Variants in ZNF185 observed in about 807,000 individuals in gnomAD.
ZNF185 encodes zinc finger protein 185 with LIM domain.
Under a neutral mutation model 58.6 loss-of-function variants are expected in ZNF185, and 56 were observed. That is an observed-to-expected ratio of 0.95 (90% CI 0.77 to 1.19). The LOEUF (loss-of-function observed/expected upper bound fraction) is 1.19. Ranked by LOEUF, ZNF185 falls within the 50% of genes most tolerant of loss-of-function variation. The pLI is 0.00. For synonymous variants in ZNF185, 230 were observed against 215.9 expected, an observed-to-expected ratio of 1.07 and a Z score of -0.57; for missense variants, 627 against 573.5, an observed-to-expected ratio of 1.09 and a Z score of -0.95.
rs782097537 is a variant in ZNF185, at chrX:152,915,694, C to A, written c.224+491C>A. On this transcript the variant is annotated intron_variant, in intron 3 of 22. Coordinates refer to ENST00000449285, the Ensembl canonical transcript of ZNF185. ...TGCTCTGACTGTCTCCCAAGTTTAC[C>A]GTGACATATTTTGTCAGCTGACCAA... Among the ~76,000 whole-genome samples the A allele has an allele frequency of 1.4e-4, 16 of 112,380 alleles. No homozygotes were observed. The South Asian group carries it at 5.2e-3, about 36-fold the overall frequency.
At chrX:152,935,448 G>C (rs1287227744) in intron 14 of ZNF185, among the ~76,000 whole-genome samples, 1 of 109,088 alleles carries the variant, frequency 9.2e-6, no homozygotes, top group Admixed American at 9.8e-5. Flanking sequence ...GTGTTAGCCA[G>C]GATGGTCTCG....
chrX:152,944,075 G>A (rs1191548153), intron 15 of ZNF185, among the ~76,000 whole-genome samples: 4 of 113,087 alleles, frequency 3.5e-5, no homozygotes, highest in East Asian at 2.8e-4. Flanking sequence ...ACTGTGTGGC[G>A]TCACACTCAC....
chrX:152,969,197 G>A (rs1474255025), intron 20 of ZNF185, among the ~76,000 whole-genome samples, 185 bp from the exon 23 acceptor site: 2 of 112,056 alleles, frequency 1.8e-5, no homozygotes, highest in South Asian at 3.7e-4. Context: ...ATAATGCAGA[G>A]GTCTACAGCA....
chrX:152,934,550 T>C (rs1244091821), intron 14 of ZNF185, among the ~76,000 whole-genome samples: 2 of 112,015 alleles, frequency 1.8e-5, no homozygotes, highest in East Asian at 5.6e-4. Context: ...GGGGGATTGG[T>C]TCCAGAACCT....
At chrX:152,938,869 T>C (rs1012877385) in intron 15 of ZNF185, among the ~76,000 whole-genome samples, 3 of 104,593 alleles carry the variant, frequency 2.9e-5, no homozygotes, top group African/African-American at 1.1e-4. Flanking sequence ...AGGGTACTAC[T>C]TAGGTGGGTG....
chrX:152,900,927 G>C, the ZNF185 span, among the ~76,000 whole-genome samples: 2 of 112,526 alleles, frequency 1.8e-5, no homozygotes, highest in African/African-American at 6.5e-5. Context: ...AAAGCCAGGA[G>C]CACCTGCTGC....
intron 15 of ZNF185, among the ~76,000 whole-genome samples, chrX:152,943,475 A>G (rs1416904850): frequency 8.9e-6 from 1 of 112,167 alleles, no homozygotes; most frequent in Non-Finnish European, 1.9e-5. Flanking sequence ...TACCTTGCCT[A>G]TCTCTAACCA....
chrX:152,916,275 C>A (rs1221136900), intron 3 of ZNF185, among the ~76,000 whole-genome samples: 3 of 111,412 alleles, frequency 2.7e-5, no homozygotes, highest in African/African-American at 9.8e-5. Flanking sequence ...CACATCCCCT[C>A]CACTGCAGGA....
intron 12 of ZNF185, among the ~76,000 whole-genome samples, chrX:152,929,857 C>T (rs1941622477): frequency 8.9e-6 from 1 of 112,314 alleles, no homozygotes. Flanking sequence ...CACCTGCAGG[C>T]TCCTCCCTCC....
chrX:152,947,703 A>C (rs782288688), intron 16 of ZNF185, among the ~76,000 whole-genome samples: 15 of 112,563 alleles, frequency 1.3e-4, no homozygotes, highest in African/African-American at 4.8e-4. Flanking sequence ...AAGAGAATGC[A>C]TGAGGTTGCC....
At chrX:152,951,484 A>G (rs1340154082) in intron 16 of ZNF185, among the ~76,000 whole-genome samples, 1 of 111,734 alleles carries the variant, frequency 8.9e-6, no homozygotes, top group African/African-American at 3.2e-5. Context: ...GGACAAAGCT[A>G]TTCTCTTTTT....
the ZNF185 span, among the ~76,000 whole-genome samples, chrX:152,905,410 C>T: frequency 8.9e-6 from 1 of 112,089 alleles, no homozygotes; most frequent in Admixed American, 9.4e-5. Flanking sequence ...TCACCCAGAC[C>T]GCCCTGTTCC....
At chrX:152,904,621 T>G in the ZNF185 span, among the ~76,000 whole-genome samples, 3 of 112,577 alleles carry the variant, frequency 2.7e-5, no homozygotes, top group African/African-American at 9.7e-5. Flanking sequence ...GTCAGCCAAG[T>G]GCGTGCCTTG....
At chrX:152,929,320 C>A (rs998270433) in intron 12 of ZNF185, among the ~76,000 whole-genome samples, 5 of 110,844 alleles carry the variant, frequency 4.5e-5, no homozygotes, top group African/African-American at 1.6e-4. Context: ...AGGCAGGATT[C>A]GGGGGCTGGG....
At chrX:152,936,290 T>C in intron 14 of ZNF185, 128 bp from the exon 16 acceptor site, 1 of 522,113 alleles carries the variant, frequency 1.9e-6, no homozygotes, top group Non-Finnish European at 3.1e-6. Flanking sequence ...ATATTGTTCC[T>C]CAAGCATCCA....
chrX:152,926,482 C>A (rs1489975185), intron 11 of ZNF185, among the ~76,000 whole-genome samples: 1 of 112,819 alleles, frequency 8.9e-6, no homozygotes, highest in Admixed American at 9.3e-5. Flanking sequence ...TATCCCCTCG[C>A]CCCACATCCC....
chrX:152,945,318 C>T (rs1556893701), exon 16 of ZNF185: 3 of 1,209,188 alleles, frequency 2.5e-6, no homozygotes, highest in Non-Finnish European at 2.2e-6. Context: ...TCGGAGAGGC[C>T]TGGCAGGAGA....
upstream of ZNF185, among the ~76,000 whole-genome samples, chrX:152,910,467 G>A (rs1937013260): frequency 8.9e-6 from 1 of 112,357 alleles, no homozygotes; most frequent in Non-Finnish European, 1.9e-5. Flanking sequence ...GCTTTTCACT[G>A]AGTGATGTAT....
chrX:152,905,703 C>T, the ZNF185 span, among the ~76,000 whole-genome samples: 1 of 98,153 alleles, frequency 1.0e-5, no homozygotes, highest in Non-Finnish European at 2.0e-5. Flanking sequence ...ATGAAGCTGT[C>T]AGACAGGCTT....
Sources: gnomAD v4.1 joint callset for allele counts (sites outside exome capture counted in the v4.1 genomes callset) on GRCh38, gnomAD v4.1.1 for gene constraint, MANE v1.5 for transcripts, NCBI Gene and HGNC (gene_info 2026-07-23, HGNC 2026-07-21) for gene names.